The following CTNNA3 variants were observed in gnomAD, a reference collection of about 807,000 sequenced individuals.
CTNNA3 encodes catenin alpha-3.
In CTNNA3, 76 loss-of-function variants were observed where a neutral mutation model predicts 95.7. The ratio of observed to expected loss-of-function variants is 0.79; its 90% CI spans 0.66 to 0.96. CTNNA3 has a LOEUF of 0.96. Among genes scored for constraint, CTNNA3 ranks in the 40% least tolerant of loss-of-function variants. CTNNA3 has a pLI of 0.00. For missense variants in CTNNA3, 1,191 were observed against 1,089.8 expected, an observed-to-expected ratio of 1.09 and a Z score of -1.31; for synonymous variants, 431 against 374.4, an observed-to-expected ratio of 1.15 and a Z score of -1.74.
rs370575744 is a variant in CTNNA3, at chr10:66,812,992, TTAG to T, written c.1048-37471_1048-37469del. 2.4e-3 allele frequency among the ~76,000 whole-genome samples: 362 copies of T among 152,320 alleles called. 5 individuals carry two copies. Among genetic ancestry groups the T allele is most frequent in the Admixed American group, 0.022 (332 of 15,290 alleles). On this transcript the variant is annotated intron_variant, in intron 7 of 17. Transcript: ENST00000433211. ...CAGTTATTTTTGTCTGTTCCTTGAA[TTAG>T]TAGGTTCTGTTAACACCTTATAATT...
At chr10:67,609,358 C>T (rs1372094368) in intron 2 of CTNNA3, among the ~76,000 whole-genome samples, 1 of 152,030 alleles carries the variant, frequency 6.6e-6, no homozygotes, top group Admixed American at 6.6e-5. Flanking sequence ...GCTTCCTGCT[C>T]AGTAGTCCCT....
At chr10:66,777,442 C>A (rs879537960) in intron 7 of CTNNA3, among the ~76,000 whole-genome samples, 16 of 151,834 alleles carry the variant, frequency 1.1e-4, no homozygotes, top group Admixed American at 9.8e-4. Context: ...TAGGTTATTT[C>A]TATGAGCACT....
chr10:66,886,634 A>G (rs755338664), intron 7 of CTNNA3, among the ~76,000 whole-genome samples: 1 of 152,132 alleles, frequency 6.6e-6, no homozygotes, highest in African/African-American at 2.4e-5. Flanking sequence ...TCCTCAGCCA[A>G]TCAATAGCCT....
intron 11 of CTNNA3, among the ~76,000 whole-genome samples, chr10:66,417,003 C>T (rs1168664640): frequency 6.6e-6 from 1 of 151,818 alleles, no homozygotes; most frequent in Non-Finnish European, 1.5e-5. Flanking sequence ...AACCATAAAA[C>T]AATTAACAAA....
chr10:66,830,720 C>T (rs1010698394), intron 7 of CTNNA3, among the ~76,000 whole-genome samples: 2 of 152,092 alleles, frequency 1.3e-5, no homozygotes, highest in Non-Finnish European at 2.9e-5. Flanking sequence ...CGCCATTCTC[C>T]TGCCTCAGCC....
chr10:67,702,800 G>C (rs1339312624), intron 1 of CTNNA3, among the ~76,000 whole-genome samples: 1 of 152,086 alleles, frequency 6.6e-6, no homozygotes, highest in Non-Finnish European at 1.5e-5. Flanking sequence ...AGGAAATAGA[G>C]ACACAAAAAC....
intron 15 of CTNNA3, among the ~76,000 whole-genome samples, chr10:66,020,668 A>ATTTTTTT (rs10687414): frequency 1.5e-4 from 20 of 136,696 alleles, no homozygotes; most frequent in African/African-American, 4.4e-4. Flanking sequence ...GATGATCTGA[A>ATTTTTTT]TTTTTTTTTT....
intron 5 of CTNNA3, among the ~76,000 whole-genome samples, chr10:67,407,456 A>C (rs995744826): frequency 3.9e-5 from 6 of 152,162 alleles, no homozygotes; most frequent in Non-Finnish European, 8.8e-5. Context: ...ACCCACAGCC[A>C]ATATACTGAA....
At chr10:67,744,182 C>G (rs899303742) in intron 1 of CTNNA3, among the ~76,000 whole-genome samples, 7 of 151,286 alleles carry the variant, frequency 4.6e-5, no homozygotes, top group South Asian at 2.1e-4. Context: ...CAAAAAAGAG[C>G]CCGCATCAGC....
upstream of CTNNA3, among the ~76,000 whole-genome samples, chr10:67,696,743 A>C (rs73271942): frequency 0.23 from 35,463 of 151,736 alleles, 4,948 homozygotes; most frequent in East Asian, 0.52. Context: ...ACCAAAATTT[A>C]TTTTTTCTCT....
At chr10:66,615,386 T>C (rs1191843674) in intron 10 of CTNNA3, among the ~76,000 whole-genome samples, 1 of 151,994 alleles carries the variant, frequency 6.6e-6, no homozygotes, top group African/African-American at 2.4e-5. Context: ...GCTACTGACT[T>C]ATACTGTTAA....
At chr10:66,958,470 T>TAAA (rs910398956) in intron 7 of CTNNA3, among the ~76,000 whole-genome samples, 1 of 149,580 alleles carries the variant, frequency 6.7e-6, no homozygotes, top group South Asian at 2.1e-4. Context: ...CTTTTTTTTT[T>TAAA]AAAAAAAATA....
intron 13 of CTNNA3, among the ~76,000 whole-genome samples, chr10:66,203,361 G>A (rs533374484): frequency 2.0e-5 from 3 of 152,180 alleles, no homozygotes; most frequent in Admixed American, 6.5e-5. Flanking sequence ...TTCAAAATGC[G>A]GCTATGCTTC....
intron 12 of CTNNA3, among the ~76,000 whole-genome samples, chr10:66,356,823 T>C (rs1338287764): frequency 6.6e-6 from 1 of 152,086 alleles, no homozygotes; most frequent in Non-Finnish European, 1.5e-5. Context: ...ATGAATAAAA[T>C]TGGAAGTTCG....
chr10:67,367,033 G>A (rs1177688258), intron 5 of CTNNA3, among the ~76,000 whole-genome samples: 4 of 152,090 alleles, frequency 2.6e-5, no homozygotes, highest in Non-Finnish European at 2.9e-5. Flanking sequence ...CATCAGCCTT[G>A]GAAAAGAATT....
At chr10:66,577,512 A>G (rs1196601960) in intron 10 of CTNNA3, among the ~76,000 whole-genome samples, 3 of 152,078 alleles carry the variant, frequency 2.0e-5, no homozygotes, top group Non-Finnish European at 4.4e-5. Flanking sequence ...ATATGGTGAA[A>G]GGAAGGGGTT....
At chr10:66,295,297 A>G (rs1419050310) in intron 12 of CTNNA3, among the ~76,000 whole-genome samples, 2 of 152,206 alleles carry the variant, frequency 1.3e-5, no homozygotes, top group African/African-American at 4.8e-5. Context: ...TATCTTACTG[A>G]AACATTCTAA....
At chr10:67,584,530 G>A (rs1181992428) in intron 3 of CTNNA3, among the ~76,000 whole-genome samples, 1 of 152,208 alleles carries the variant, frequency 6.6e-6, no homozygotes, top group African/African-American at 2.4e-5. Flanking sequence ...CCCACTTGAG[G>A]AGGCAGTCTG....
chr10:65,944,466 C>A (rs954126986), intron 17 of CTNNA3, among the ~76,000 whole-genome samples: 1 of 152,226 alleles, frequency 6.6e-6, no homozygotes, highest in Non-Finnish European at 1.5e-5. Context: ...GAAGATTGCT[C>A]TTCCTTCTAT....
Sources: allele counts gnomAD v4.1 joint callset (sites outside exome capture counted in the v4.1 genomes callset), GRCh38; gene constraint gnomAD v4.1.1; transcripts MANE v1.5; gene names NCBI Gene and HGNC (gene_info 2026-07-23, HGNC 2026-07-21).